The following PPP2R2B variants were observed in gnomAD, a reference collection of about 807,000 sequenced individuals.
PPP2R2B encodes the protein serine/threonine-protein phosphatase 2A 55 kDa regulatory subunit B beta isoform.
Under a neutral mutation model 46.0 loss-of-function variants are expected in PPP2R2B, and 5 were observed. The ratio of observed to expected loss-of-function variants is 0.11; its 90% CI spans 0.06 to 0.23. PPP2R2B has a LOEUF of 0.23. Ranked by LOEUF, PPP2R2B falls within the 10% of genes least tolerant of loss-of-function variation. The probability of loss-of-function intolerance (pLI) is 1.00; values close to 1 mark genes in which losing one functional copy is unlikely to be tolerated. For synonymous variants in PPP2R2B, 215 were observed against 206.7 expected (o/e 1.04, Z -0.34); for missense variants, 367 against 575.0 (o/e 0.64, Z 3.70).
chr5:147,045,345 G>A (rs1471537754), intron 1 of PPP2R2B, among the ~76,000 whole-genome samples: 1 of 152,056 alleles, frequency 6.6e-6, no homozygotes, highest in East Asian at 1.9e-4. Context: ...GTTTAAGTCT[G>A]GAAATACTTA....
intron 2 of PPP2R2B, among the ~76,000 whole-genome samples, chr5:146,771,545 G>A (rs1167606633): frequency 6.6e-6 from 1 of 152,154 alleles, no homozygotes; most frequent in Non-Finnish European, 1.5e-5. Context: ...CCCCAGAGAT[G>A]CCTTCCATAA....
intron 2 of PPP2R2B, among the ~76,000 whole-genome samples, chr5:147,077,676 G>A (rs1284668709): frequency 6.6e-6 from 1 of 152,088 alleles, no homozygotes; most frequent in Non-Finnish European, 1.5e-5. Context: ...TCTAAGATAT[G>A]TTGGCCAGGG....
intron 1 of PPP2R2B, among the ~76,000 whole-genome samples, chr5:146,946,018 G>T (rs1331844870): frequency 1.3e-5 from 2 of 152,082 alleles, no homozygotes. Context: ...GTTACATTTG[G>T]GCTATCGATT....
intron 2 of PPP2R2B, among the ~76,000 whole-genome samples, chr5:146,799,655 G>A (rs1756747816): frequency 6.6e-6 from 1 of 152,204 alleles, no homozygotes; most frequent in African/African-American, 2.4e-5. Context: ...ATCACAGATA[G>A]AGGAGATCAC....
At chr5:146,815,428 T>C (rs1757873410) in intron 2 of PPP2R2B, among the ~76,000 whole-genome samples, 1 of 152,248 alleles carries the variant, frequency 6.6e-6, no homozygotes, top group Non-Finnish European at 1.5e-5. Context: ...TGCACAATAC[T>C]TGACACACAG....
At chr5:146,738,433 A>G (rs1005014708) in intron 2 of PPP2R2B, among the ~76,000 whole-genome samples, 3 of 152,060 alleles carry the variant, frequency 2.0e-5, no homozygotes, top group African/African-American at 7.2e-5. Context: ...GCTTCACAGA[A>G]AAACTAGTTG....
At chr5:146,885,891 G>A (rs565288649) in intron 1 of PPP2R2B, among the ~76,000 whole-genome samples, 1 of 152,226 alleles carries the variant, frequency 6.6e-6, no homozygotes, top group Admixed American at 6.5e-5. Flanking sequence ...CATATTGTAT[G>A]ATTCCATTTA....
At chr5:146,676,591 A>T (rs1046258749) in intron 5 of PPP2R2B, among the ~76,000 whole-genome samples, 2 of 152,248 alleles carry the variant, frequency 1.3e-5, no homozygotes, top group South Asian at 4.2e-4. Context: ...CCCTGAAAAG[A>T]TCAAATTCTC....
intron 4 of PPP2R2B, among the ~76,000 whole-genome samples, chr5:146,692,687 C>T (rs905506903): frequency 6.6e-6 from 1 of 152,098 alleles, no homozygotes; most frequent in African/African-American, 2.4e-5. Flanking sequence ...GCACCCACCA[C>T]CACGCCCGGC....
intron 1 of PPP2R2B, among the ~76,000 whole-genome samples, chr5:147,052,296 G>A (rs1756866290): frequency 6.6e-6 from 1 of 152,112 alleles, no homozygotes; most frequent in Non-Finnish European, 1.5e-5. Flanking sequence ...CCATACAACA[G>A]CCTTGGTATT....
At chr5:146,773,522 A>G (rs1049036208) in intron 2 of PPP2R2B, among the ~76,000 whole-genome samples, 1 of 152,206 alleles carries the variant, frequency 6.6e-6, no homozygotes, top group Admixed American at 6.5e-5. Flanking sequence ...TCTCCATTGT[A>G]TTAGCACATG....
Position 146,589,904 on chromosome 5 carries a change from C to T in PPP2R2B, c.*43G>A, listed in dbSNP as rs752971095. 1 of 1,571,510 alleles carries T rather than the reference C, an allele frequency of 6.4e-7. No homozygotes were observed. Among genetic ancestry groups the T allele is most frequent in the Admixed American group, 1.7e-5 (1 of 58,776 alleles). On this transcript the variant is annotated 3_prime_UTR_variant, in exon 10 of 10. Transcript: ENST00000394411. Reference sequence around the variant, plus strand: ...AAGAAACATTTAAAAACTTGTTTGACTAGTATTCAGTATGTGAGATTATTA... The same window carrying T: ...AAGAAACATTTAAAAACTTGTTTGATTAGTATTCAGTATGTGAGATTATTA...
chr5:147,046,623 G>C (rs1489883515), intron 1 of PPP2R2B, among the ~76,000 whole-genome samples: 1 of 151,966 alleles, frequency 6.6e-6, no homozygotes, highest in East Asian at 1.9e-4. Context: ...AAAGAGCACT[G>C]ATCAGTGTAT....
At chr5:146,643,259 T>A (rs560432123) in intron 6 of PPP2R2B, among the ~76,000 whole-genome samples, 1 of 152,166 alleles carries the variant, frequency 6.6e-6, no homozygotes, top group Admixed American at 6.5e-5. Context: ...ATTCTATAAG[T>A]GTTTCCAAAG....
chr5:146,825,793 C>G (rs1198682163), intron 2 of PPP2R2B, among the ~76,000 whole-genome samples: 1 of 152,220 alleles, frequency 6.6e-6, no homozygotes, highest in Non-Finnish European at 1.5e-5. Context: ...CTGTGACATG[C>G]TATGACAGTG....
At position 146,702,586 on chromosome 5, in the gene PPP2R2B, T is replaced by C. The variant is rs567234360; in HGVS notation, c.71-1444A>G. On this transcript the variant is annotated intron_variant, in intron 2 of 9. Transcript: ENST00000394411. ...CCATGATTGCCTGTATTGCCATGTA[T>C]TGCCTGATGTTCTCATTGTTTAAAT... Among the ~76,000 whole-genome samples the C allele has an allele frequency of 7.2e-5, 11 of 152,370 alleles. No individual in the cohort carries two copies. The East Asian group carries it at 1.9e-3, about 27-fold the overall frequency.
At position 146,783,507 on chromosome 5, in the gene PPP2R2B, T is replaced by C. The variant is rs77931113; in HGVS notation, c.71-82365A>G. Among the ~76,000 whole-genome samples, 1,895 of 152,338 alleles carry C rather than the reference T, an allele frequency of 0.012. 119 individuals are homozygous for C. In the East Asian group the frequency reaches 0.14, roughly 11 times the overall value. On this transcript the variant is annotated intron_variant, in intron 2 of 9. Transcript: ENST00000394411. ...TAAATAGCATAAGCAATTTAAAATT[T>C]TTCTACTTATGCTTTTTCCATTTTC...
rs1187750692 is a variant in PPP2R2B, at chr5:146,583,363, G to T, written c.*6584C>A. On this transcript the variant is annotated 3_prime_UTR_variant, in exon 10 of 10. Coordinates refer to ENST00000394411, the MANE Select transcript of PPP2R2B (RefSeq NM_181675.4). Reference sequence around the variant, plus strand: ...GGCCAGGCATCCTTCTAAGAGCTTTGTGCATATTAAATCATGCAATCTTCA... The same window carrying T: ...GGCCAGGCATCCTTCTAAGAGCTTTTTGCATATTAAATCATGCAATCTTCA... The T allele has an allele frequency of 2.0e-5, 3 of 152,164 alleles. No individual in the cohort carries two copies. Among genetic ancestry groups the T allele is most frequent in the African/African-American group, 7.2e-5 (3 of 41,420 alleles). 9.4% of individuals were successfully genotyped at this position (152,164 alleles called of 1,614,324 possible).
At chr5:147,055,577 A>C in intron 1 of PPP2R2B, 1 of 1,174,068 alleles carries the variant, frequency 8.5e-7, no homozygotes, top group East Asian at 2.4e-5. Flanking sequence ...TAGTAGCTAC[A>C]GAAAGCAGCA....
Sources: gnomAD v4.1 joint callset for allele counts (sites outside exome capture counted in the v4.1 genomes callset) on GRCh38, gnomAD v4.1.1 for gene constraint, MANE v1.5 for transcripts, NCBI Gene and HGNC (gene_info 2026-07-23, HGNC 2026-07-21) for gene names.